The following PDZD7 variants were observed in gnomAD, a reference collection of about 807,000 sequenced individuals.
The protein encoded by PDZD7 is PDZ domain-containing protein 7.
A neutral mutation model predicts 84.7 loss-of-function variants in PDZD7; 72 were observed. The ratio of observed to expected loss-of-function variants is 0.85; its 90% CI spans 0.70 to 1.03. The LOEUF (loss-of-function observed/expected upper bound fraction) is 1.03, where lower values mean the gene tolerates loss of function less well. PDZD7 is among the 50% of genes least tolerant of loss of function. The pLI is 0.00. For missense variants in PDZD7, 1,490 were observed against 1,412.9 expected, an observed-to-expected ratio of 1.05 and a Z score of -0.87; for synonymous variants, 594 against 580.7, an observed-to-expected ratio of 1.02 and a Z score of -0.33.
At chr10:101,017,891 G>GAAAGAAAGA (rs1564632647) in intron 9 of PDZD7, 2 of 149,610 alleles carry the variant, frequency 1.3e-5, no homozygotes, top group African/African-American at 1.0e-4. Flanking sequence ...AAGAAAGAAA[G>GAAAGAAAGA]AAAAGAAAGA....
intron 13 of PDZD7, 41 bp downstream of exon 13, chr10:101,011,884 G>C (rs1467045970): frequency 6.5e-7 from 1 of 1,549,370 alleles, no homozygotes; most frequent in African/African-American, 1.4e-5. Flanking sequence ...CCCACCCCCA[G>C]CAGGGCTCAG....
chr10:101,017,786 C>CAAAA, intron 9 of PDZD7: 1 of 316,988 alleles, frequency 3.2e-6, no homozygotes, highest in South Asian at 4.0e-5. Context: ...AACTCCATCT[C>CAAAA]AAAAAAAAAA....
rs112219701 is a variant in PDZD7 at position 101,016,271 on chromosome 10, G to T, written c.1573+106C>A. On this transcript the variant is annotated intron_variant, in intron 10 of 16. Coordinates refer to ENST00000619208, the MANE Select transcript of PDZD7 (RefSeq NM_001195263.2). The stretch of plus-strand genomic sequence containing the variant: ...TCTAGCTGCCTGATCCCCCATGCTT[G>T]ACCCTGACTGAATTTAGTCCAGAGC... The T allele has an allele frequency of 1.2e-5, 14 of 1,171,916 alleles. 1 individual carries two copies. The highest frequency in any genetic ancestry group is 1.1e-4 in the African/African-American group (7 of 65,900). The allele number at this position is 1,171,916 out of a possible 1,614,324, so 72.6% of individuals were successfully genotyped here.
rs1852318842 is a variant in PDZD7 at position 101,009,445 on chromosome 10, C to T, written c.2618-95G>A. On this transcript the variant is annotated intron_variant, in intron 15 of 16. Coordinates refer to ENST00000619208, the MANE Select transcript of PDZD7 (RefSeq NM_001195263.2). ...TAGAATCCCATCCCCAAATCCAAGG[C>T]CCCAACTTCTCCCACATCCCTACAT... 7.9e-5 allele frequency: 75 copies of T among 953,480 alleles called. No individual in the cohort carries two copies. The Middle Eastern group carries it at 1.4e-3, about 18-fold the overall frequency. The allele number at this position is 953,480 out of a possible 1,614,324, so 59.1% of individuals were successfully genotyped here.
At chr10:101,027,465 T>C (rs1937788779) in intron 2 of PDZD7, among the ~76,000 whole-genome samples, 1 of 152,160 alleles carries the variant, frequency 6.6e-6, no homozygotes, top group Non-Finnish European at 1.5e-5. Context: ...TCCCAGTGAG[T>C]ACCTCTTGTA....
intron 1 of PDZD7, chr10:101,030,687 TA>T (rs999088137): frequency 3.2e-6 from 1 of 308,912 alleles, no homozygotes; most frequent in African/African-American, 2.2e-5. Context: ...CCCTGGGGCT[TA>T]GAGAGGTGTG....
intron 7 of PDZD7, among the ~76,000 whole-genome samples, chr10:101,019,845 C>G (rs60121354): frequency 2.0e-5 from 3 of 151,240 alleles, no homozygotes; most frequent in Non-Finnish European, 2.9e-5. Context: ...AGGCTGGTCT[C>G]GAGCACCTGA....
intron 1 of PDZD7, 140 bp from the exon 2 acceptor site, chr10:101,030,524 A>G: frequency 1.8e-6 from 1 of 555,170 alleles, no homozygotes; most frequent in Non-Finnish European, 3.3e-6. Context: ...TAGGCCAGAG[A>G]ACTGCCCCGT....
rs747070693 is a variant in PDZD7 at position 101,010,614 on chromosome 10, C to G, written c.2275G>C (p.Glu759Gln). Reference protein sequence around the residue: ...NWLLTEPLSREHPPQSQIRGR... With the variant: ...NWLLTEPLSRQHPPQSQIRGR... The stretch of plus-strand genomic sequence containing the variant: ...CGGATCTGGCTCTGCGGAGGGTGCT[C>G]TCGGCTCAGGGGTTCTGTCAGCAGC... The change falls in exon 15 of 17, where the codon GAG becomes CAG. Residue 759 changes from glutamate to glutamine, a missense_variant. Glu to Gln is a conservative substitution (Grantham distance 29, BLOSUM62 2). Transcript: ENST00000619208. 2.7e-5 allele frequency: 40 copies of G among 1,503,986 alleles called. No individual in the cohort carries two copies. Among genetic ancestry groups the G allele is most frequent in the Non-Finnish European group, 3.5e-5 (39 of 1,127,234 alleles). 93.2% of individuals were successfully genotyped at this position (1,503,986 alleles called of 1,614,324 possible). A position where few individuals can be genotyped will look rare whatever the true frequency, so the allele number is the denominator to read the frequency against.
intron 2 of PDZD7, among the ~76,000 whole-genome samples, chr10:101,026,086 G>C (rs1293298589): frequency 1.3e-5 from 2 of 152,120 alleles, no homozygotes; most frequent in African/African-American, 2.4e-5. Flanking sequence ...CATCACGCTG[G>C]GGAAAGTAGG....
At position 101,018,961 on chromosome 10, in the gene PDZD7, G is replaced by T. The variant is rs1322544217; in HGVS notation, c.1185C>A (p.Thr395=). Residue 395 remains threonine, a synonymous_variant, in exon 8 of 17, where the codon ACC becomes ACA. Coordinates refer to ENST00000619208, the MANE Select transcript of PDZD7 (RefSeq NM_001195263.2). ...GATGGGGGCCGTCCGAGCGGATGGC[G>T]GTGTCCCTGAGGATGACTGTGGGCC... ...SVRPTVILRD[T]AIRSDGPHPG... 6.3e-7 allele frequency: 1 copy of T among 1,595,784 alleles called. No homozygotes were observed. The highest frequency in any genetic ancestry group is 8.5e-7 in the Non-Finnish European group (1 of 1,172,108).
chr10:101,012,586 G>A (rs560860143), intron 11 of PDZD7, among the ~76,000 whole-genome samples: 5 of 38,960 alleles, frequency 1.3e-4, no homozygotes, highest in African/African-American at 2.9e-4. Flanking sequence ...TTACAGATGC[G>A]GAAACAGGCT....
At chr10:101,016,996 C>T (rs1227804521) in intron 9 of PDZD7, among the ~76,000 whole-genome samples, 1 of 152,164 alleles carries the variant, frequency 6.6e-6, no homozygotes, top group Non-Finnish European at 1.5e-5. Context: ...CCGACATCCA[C>T]CCCCCTCTTC....
rs545707242 is a variant in PDZD7 at position 101,008,304 on chromosome 10, A to G, written c.*163T>C. ...TGGACACTAAGGCAGAGCCTTAATGACAGCTGAGGAGGGAAGAAAGTGGAA... is the reference window on the plus strand; with the variant it reads ...TGGACACTAAGGCAGAGCCTTAATGGCAGCTGAGGAGGGAAGAAAGTGGAA... On this transcript the variant is annotated 3_prime_UTR_variant, in exon 17 of 17. Transcript: ENST00000619208. 5 of 727,262 alleles carry G rather than the reference A, an allele frequency of 6.9e-6. No homozygotes were observed. In the East Asian group the frequency reaches 1.4e-4, roughly 20 times the overall value. The allele number at this position is 727,262 out of a possible 1,614,324, so 45.1% of individuals were successfully genotyped here.
At chr10:101,015,532 G>A in intron 11 of PDZD7, 104 bp downstream of exon 11, 2 of 1,351,838 alleles carry the variant, frequency 1.5e-6, no homozygotes, top group Non-Finnish European at 2.0e-6. Context: ...CTAGCCTCCT[G>A]GTGTCAAGCC....
At position 101,017,833 on chromosome 10, in the gene PDZD7, AGGAAGG is replaced by A. The variant is rs148417050; in HGVS notation, c.1522+260_1522+265del. ...AGAAAGAAAGGAAAGAAAGGAAGGA[AGGAAGG>A]AAAGAAAGAAAGAAAGAAAGAAAGA... is the stretch of plus-strand genomic sequence containing the variant. On this transcript the variant is annotated intron_variant, in intron 9 of 16. Transcript: ENST00000619208. 0.36 allele frequency: 145,683 copies of A among 404,140 alleles called. 33,884 individuals are homozygous for A. Among genetic ancestry groups the A allele is most frequent in the Middle Eastern group, 0.44 (676 of 1,532 alleles). 25.0% of individuals were successfully genotyped at this position (404,140 alleles called of 1,614,324 possible). A position where few individuals can be genotyped will look rare whatever the true frequency, so the allele number is the denominator to read the frequency against.
chr10:101,026,038 C>A (rs911668538), intron 2 of PDZD7, among the ~76,000 whole-genome samples: 2 of 152,168 alleles, frequency 1.3e-5, no homozygotes, highest in Non-Finnish European at 2.9e-5. Context: ...CCAGACCACA[C>A]CACACTGCAA....
Position 101,018,306 on chromosome 10 carries a change from C to G in PDZD7, c.1325-10G>C, listed in dbSNP as rs747612678. On this transcript the variant is annotated splice_polypyrimidine_tract_variant and intron_variant, in intron 8 of 16. Coordinates refer to ENST00000619208, the MANE Select transcript of PDZD7 (RefSeq NM_001195263.2). The stretch of plus-strand genomic sequence containing the variant: ...CGCTGCTGCTTCTCCTCTGCAGACA[C>G]GAGGGAGCAACGGGGGAGCTGGAGG... The G allele has an allele frequency of 1.2e-6, 2 of 1,612,782 alleles. No homozygotes were observed. Among genetic ancestry groups the G allele is most frequent in the Admixed American group, 1.7e-5 (1 of 59,982 alleles).
At chr10:101,017,971 T>G in intron 9 of PDZD7, 128 bp downstream of exon 9, 2 of 1,025,802 alleles carry the variant, frequency 1.9e-6, no homozygotes, top group Non-Finnish European at 3.1e-6. Context: ...ATGAGGAAAC[T>G]GAGGCTCTCA....
Sources: allele counts gnomAD v4.1 joint callset (sites outside exome capture counted in the v4.1 genomes callset), GRCh38; gene constraint gnomAD v4.1.1; transcripts MANE v1.5; gene names NCBI Gene and HGNC (gene_info 2026-07-23, HGNC 2026-07-21).